The following NUP107 variants were observed in gnomAD, a reference collection of about 807,000 sequenced individuals.
The protein encoded by NUP107 is nucleoporin 107.
Under a neutral mutation model 141.0 loss-of-function variants are expected in NUP107, and 101 were observed. The ratio of observed to expected loss-of-function variants is 0.72; its 90% CI spans 0.61 to 0.84. NUP107 has a LOEUF of 0.84. Ranked by LOEUF, NUP107 falls within the 40% of genes least tolerant of loss-of-function variation. The probability of loss-of-function intolerance (pLI) is 0.00; values close to 1 mark genes in which losing one functional copy is unlikely to be tolerated. For synonymous variants in NUP107, 319 were observed against 363.9 expected, an observed-to-expected ratio of 0.88 and a Z score of 1.41; for missense variants, 941 against 1,102.7, an observed-to-expected ratio of 0.85 and a Z score of 2.08.
At chr12:68,702,667 A>T in intron 7 of NUP107, 69 bp from the exon 8 acceptor site, 2 of 1,072,002 alleles carry the variant, frequency 1.9e-6, no homozygotes, top group Non-Finnish European at 2.7e-6. Flanking sequence ...CTTCTCTCAG[A>T]TGCTCAGTGG....
At chr12:68,720,673 G>A (rs1415551951) in intron 14 of NUP107, among the ~76,000 whole-genome samples, 1 of 152,120 alleles carries the variant, frequency 6.6e-6, no homozygotes, top group African/African-American at 2.4e-5. Flanking sequence ...AGTAAAATGG[G>A]GAATTAGTTA....
Position 68,696,828 on chromosome 12 carries a change from G to A in NUP107, c.458G>A (p.Ser153Asn), listed in dbSNP as rs1876085077. The change falls in exon 6 of 28, where the codon AGT becomes AAT. Residue 153 changes from serine (S) to asparagine (N), a missense_variant. Transcript: ENST00000229179. The stretch of plus-strand genomic sequence containing the variant: ...TTTTGATGTGTTCTAGCATCCATGA[G>A]TATGTTTTCTGATTTCCTGCAGTCT... ...EDDPGEAASM[S>N]MFSDFLQSFL... The A allele has an allele frequency of 1.3e-6, 2 of 1,562,310 alleles. No homozygotes were observed. The highest frequency in any genetic ancestry group is 2.2e-5 in the East Asian group (1 of 44,478).
chr12:68,720,966 G>A, intron 14 of NUP107, 152 bp from the exon 15 acceptor site: 1 of 442,274 alleles, frequency 2.3e-6, no homozygotes, highest in Non-Finnish European at 4.0e-6. Flanking sequence ...GTTCTTCCTT[G>A]TTATTACCCC....
chr12:68,730,475 T>G (rs901209947), intron 20 of NUP107, among the ~76,000 whole-genome samples: 2 of 152,068 alleles, frequency 1.3e-5, no homozygotes, highest in Admixed American at 1.3e-4. Context: ...TGCCTCAGCC[T>G]CCCAGAGTGC....
intron 8 of NUP107, chr12:68,706,042 G>A (rs1876563329): frequency 7.3e-6 from 6 of 826,494 alleles, no homozygotes; most frequent in Admixed American, 1.7e-5. Context: ...GAGCAACATG[G>A]ACAACATGTT....
rs555758570 is a variant in NUP107 at position 68,695,562 on chromosome 12, T to C, written c.449-1257T>C. Among the ~76,000 whole-genome samples, 45 of 152,294 alleles carry C rather than the reference T, an allele frequency of 3.0e-4. 1 individual carries two copies. Among genetic ancestry groups the C allele is most frequent in the Admixed American group, 1.3e-3 (20 of 15,298 alleles). ...TTCCACTTACATGAGATATTTAGAA[T>C]AGTCAACACATGTAGGGACAGAAAG... On this transcript the variant is annotated intron_variant, in intron 5 of 27. Transcript: ENST00000229179.
At chr12:68,733,272 A>G (rs1409033197) in intron 23 of NUP107, among the ~76,000 whole-genome samples, 180 bp from the exon 24 acceptor site, 1 of 152,254 alleles carries the variant, frequency 6.6e-6, no homozygotes, top group Non-Finnish European at 1.5e-5. Flanking sequence ...ATAGTATCAC[A>G]TTGAGATACG....
In NUP107 at chr12:68,742,570, T is replaced by C. The variant is rs1259546908; in HGVS notation, c.*108T>C. ...GCATTACCATGTAAAATTTAGACAT[T>C]TGAATTTTGTACTTTTCAGAATATT... On this transcript the variant is annotated 3_prime_UTR_variant, in exon 28 of 28. Coordinates refer to ENST00000229179, the MANE Select transcript of NUP107 (RefSeq NM_020401.4). 1.8e-6 allele frequency: 1 copy of C among 547,314 alleles called. No homozygotes were observed. The highest frequency in any genetic ancestry group is 3.2e-6 in the Non-Finnish European group (1 of 313,364). The allele number at this position is 547,314 out of a possible 1,614,324, so 33.9% of individuals were successfully genotyped here. A position where few individuals can be genotyped will look rare whatever the true frequency, so the allele number is the denominator to read the frequency against.
At chr12:68,695,627 G>A (rs1876016242) in intron 5 of NUP107, among the ~76,000 whole-genome samples, 1 of 152,146 alleles carries the variant, frequency 6.6e-6, no homozygotes, top group South Asian at 2.1e-4. Context: ...AGTGGAGAGT[G>A]GGGAGTTAAT....
chr12:68,697,014 G>T, intron 6 of NUP107, 92 bp downstream of exon 6: 1 of 679,580 alleles, frequency 1.5e-6, no homozygotes, highest in South Asian at 2.3e-5. Flanking sequence ...TTTAAGGGAG[G>T]TGTCTTAGGG....
intron 10 of NUP107, among the ~76,000 whole-genome samples, chr12:68,712,623 T>TTTTTTTG (rs1267401678): frequency 2.6e-5 from 4 of 151,040 alleles, no homozygotes; most frequent in African/African-American, 9.7e-5. Context: ...AATAAGTTTT[T>TTTTTTTG]TTTTTTGTTT....
chr12:68,693,142 A>G (rs1302515320), intron 5 of NUP107, among the ~76,000 whole-genome samples: 4 of 150,792 alleles, frequency 2.7e-5, no homozygotes, highest in Admixed American at 6.6e-5. Flanking sequence ...CAGTGGTGCA[A>G]TCTCGGCTCA....
At chr12:68,702,613 A>G in intron 7 of NUP107, 123 bp from the exon 8 acceptor site, 1 of 643,028 alleles carries the variant, frequency 1.6e-6, no homozygotes, top group Non-Finnish European at 2.7e-6. Context: ...TATTTGAAAA[A>G]ATAAATAATA....
chr12:68,718,415 T>C (rs1877200976), intron 12 of NUP107, among the ~76,000 whole-genome samples: 1 of 152,214 alleles, frequency 6.6e-6, no homozygotes. Flanking sequence ...ATAAACACAT[T>C]GACTTACTGA....
At position 68,733,627 on chromosome 12, in the gene NUP107, A is replaced by G. The variant is rs781449867; in HGVS notation, c.2262+15A>G. The G allele has an allele frequency of 6.3e-7, 1 of 1,597,044 alleles. No homozygotes were observed. The highest frequency in any genetic ancestry group is 8.5e-7 in the Non-Finnish European group (1 of 1,172,378). On this transcript the variant is annotated intron_variant, in intron 24 of 27. Transcript: ENST00000229179. The stretch of plus-strand genomic sequence containing the variant: ...GAGCTTATTTGGTGAGACTGTAAAG[A>G]AAGCCACAGATGTGCCTACTTCATG...
intron 6 of NUP107, among the ~76,000 whole-genome samples, chr12:68,699,045 G>T (rs559450741): frequency 1.3e-5 from 2 of 152,144 alleles, no homozygotes; most frequent in South Asian, 4.1e-4. Context: ...AGAGATATTT[G>T]GGTACTCTGC....
At chr12:68,727,014 C>A (rs1008051471) in intron 19 of NUP107, among the ~76,000 whole-genome samples, 1 of 152,118 alleles carries the variant, frequency 6.6e-6, no homozygotes, top group African/African-American at 2.4e-5. Context: ...GTGAATGATA[C>A]AGTAGTTGAA....
rs201878920 is a variant in NUP107, at chr12:68,731,757, C to G, written c.1998+38C>G. The G allele has an allele frequency of 4.6e-6, 5 of 1,093,976 alleles. No individual in the cohort carries two copies. The East Asian group carries it at 1.3e-4, about 29-fold the overall frequency. The allele number at this position is 1,093,976 out of a possible 1,614,324, so 67.8% of individuals were successfully genotyped here. A position where few individuals can be genotyped will look rare whatever the true frequency, so the allele number is the denominator to read the frequency against. On this transcript the variant is annotated intron_variant, in intron 22 of 27. Coordinates refer to ENST00000229179, the MANE Select transcript of NUP107 (RefSeq NM_020401.4). ...GGGGGGGCAGAGGTTTCTATAACTT[C>G]TAATAATCTTTTATGTTATTCCTTG...
chr12:68,738,450 CAAAAA>C, intron 26 of NUP107, among the ~76,000 whole-genome samples: 1 of 89,612 alleles, frequency 1.1e-5, no homozygotes, highest in East Asian at 3.0e-4. Context: ...GACTCCGTCT[CAAAAA>C]AAAAAAAAAA....
Sources: gnomAD v4.1 joint callset for allele counts (sites outside exome capture counted in the v4.1 genomes callset) on GRCh38, gnomAD v4.1.1 for gene constraint, MANE v1.5 for transcripts, NCBI Gene and HGNC (gene_info 2026-07-23, HGNC 2026-07-21) for gene names.